The following NDUFAF2 variants were observed in gnomAD, a reference collection of about 807,000 sequenced individuals.
NDUFAF2 encodes NADH dehydrogenase [ubiquinone] 1 alpha subcomplex assembly factor 2.
A neutral mutation model predicts 22.8 loss-of-function variants in NDUFAF2; 13 were observed. The observed-to-expected ratio is 0.57, with a 90% CI of 0.37 to 0.91. The LOEUF is 0.91. NDUFAF2 is among the 40% of genes least tolerant of loss of function. The pLI is 0.01. For missense variants in NDUFAF2, 162 were observed against 195.2 expected (o/e 0.83, Z 1.01); for synonymous variants, 53 against 64.2 (o/e 0.83, Z 0.84).
intron 1 of NDUFAF2, among the ~76,000 whole-genome samples, chr5:60,975,427 G>A (rs891371787): frequency 3.3e-5 from 5 of 151,942 alleles, no homozygotes; most frequent in African/African-American, 7.2e-5. Context: ...ATTCAGTCTC[G>A]GGTTGTGTTT....
intron 1 of NDUFAF2, among the ~76,000 whole-genome samples, chr5:60,982,172 C>T (rs575304663): frequency 6.6e-6 from 1 of 152,196 alleles, no homozygotes; most frequent in African/African-American, 2.4e-5. Context: ...AAGGTACTCA[C>T]GATCACTGAT....
chr5:61,052,215 G>C (rs1180488872), intron 1 of NDUFAF2, among the ~76,000 whole-genome samples: 1 of 152,020 alleles, frequency 6.6e-6, no homozygotes, highest in Non-Finnish European at 1.5e-5. Context: ...ATTCCAAACA[G>C]TATGAGAGCT....
intron 1 of NDUFAF2, among the ~76,000 whole-genome samples, chr5:60,952,585 T>G (rs1446979546): frequency 6.6e-6 from 1 of 152,090 alleles, no homozygotes; most frequent in East Asian, 1.9e-4. Flanking sequence ...GTATTGTAAA[T>G]TGTTTTATGG....
At chr5:61,105,527 C>T (rs768087048) in intron 3 of NDUFAF2, among the ~76,000 whole-genome samples, 16 of 148,844 alleles carry the variant, frequency 1.1e-4, no homozygotes, top group Non-Finnish European at 2.1e-4. Context: ...ATGTTCATAC[C>T]TGTTAAACAT....
chr5:61,031,438 G>C (rs575315201), intron 1 of NDUFAF2, among the ~76,000 whole-genome samples: 1 of 152,052 alleles, frequency 6.6e-6, no homozygotes, highest in Non-Finnish European at 1.5e-5. Context: ...AGTTTGCTGA[G>C]AATGATGGTT....
chr5:61,107,729 A>C (rs1182624461), intron 3 of NDUFAF2, among the ~76,000 whole-genome samples: 1 of 150,496 alleles, frequency 6.6e-6, no homozygotes, highest in Admixed American at 6.6e-5. Context: ...GGTTAGTTAC[A>C]TATGTATACA....
intron 3 of NDUFAF2, chr5:61,115,218 AG>A (rs1752896779): frequency 6.6e-6 from 1 of 152,432 alleles, no homozygotes; most frequent in African/African-American, 2.4e-5. Context: ...GAGTACTGCC[AG>A]GCTACTGCTG....
intron 3 of NDUFAF2, among the ~76,000 whole-genome samples, chr5:61,129,390 C>G (rs1753079135): frequency 6.6e-6 from 1 of 152,102 alleles, no homozygotes; most frequent in South Asian, 2.1e-4. Context: ...TTGGAACCAA[C>G]CCAAATGTCC....
intron 1 of NDUFAF2, among the ~76,000 whole-genome samples, chr5:60,983,826 A>G (rs1272123647): frequency 6.6e-5 from 10 of 152,074 alleles, no homozygotes; most frequent in African/African-American, 2.4e-4. Flanking sequence ...GTTTGAAGTC[A>G]GGTAGCATGA....
chr5:61,050,669 C>A (rs1255694966), intron 1 of NDUFAF2: 4 of 152,112 alleles, frequency 2.6e-5, no homozygotes, highest in Non-Finnish European at 5.9e-5. Flanking sequence ...TTCAGTTTTC[C>A]TTTCATTACC....
intron 1 of NDUFAF2, among the ~76,000 whole-genome samples, chr5:61,020,731 C>CTATTTTCAACATT (rs1241891170): frequency 6.6e-6 from 1 of 152,014 alleles, no homozygotes; most frequent in African/African-American, 2.4e-5. Flanking sequence ...AACTCTGTCG[C>CTATTTTCAACATT]CCAAGCTGGA....
intron 1 of NDUFAF2, among the ~76,000 whole-genome samples, chr5:60,989,197 A>C (rs1751123395): frequency 6.6e-6 from 1 of 152,244 alleles, no homozygotes. Flanking sequence ...AATGCAAATC[A>C]GAACCACAGC....
chr5:61,014,945 G>A (rs1209905509), intron 1 of NDUFAF2, among the ~76,000 whole-genome samples: 1 of 152,164 alleles, frequency 6.6e-6, no homozygotes, highest in Non-Finnish European at 1.5e-5. Flanking sequence ...ATAGGGAGAA[G>A]AGAATATCTT....
chr5:60,989,353 A>G (rs1167251659), intron 1 of NDUFAF2, among the ~76,000 whole-genome samples: 6 of 152,174 alleles, frequency 3.9e-5, no homozygotes, highest in African/African-American at 1.4e-4. Context: ...CAGTGTGGCA[A>G]TTCCTCAAAG....
intron 3 of NDUFAF2, among the ~76,000 whole-genome samples, chr5:61,102,289 C>G (rs1390263822): frequency 1.3e-5 from 2 of 152,044 alleles, no homozygotes; most frequent in Non-Finnish European, 2.9e-5. Context: ...TACTTTAAAA[C>G]TATAGTTATC....
At chr5:61,024,208 G>C (rs1751622755) in intron 1 of NDUFAF2, among the ~76,000 whole-genome samples, 1 of 151,866 alleles carries the variant, frequency 6.6e-6, no homozygotes, top group African/African-American at 2.4e-5. Context: ...CTATTTTAAG[G>C]ATATTGGTTG....
chr5:60,991,128 TAA>T (rs1751152588), intron 1 of NDUFAF2, among the ~76,000 whole-genome samples: 1 of 152,204 alleles, frequency 6.6e-6, no homozygotes, highest in African/African-American at 2.4e-5. Context: ...GATGCATTTA[TAA>T]AGTTTCACCT....
At chr5:61,083,281 C>T (rs552916291) in intron 2 of NDUFAF2, 64 of 151,448 alleles carry the variant, frequency 4.2e-4, no homozygotes, top group African/African-American at 1.5e-3. Flanking sequence ...TGATGTCTTA[C>T]ATTTAAGTCT....
At chr5:61,122,100 G>A (rs1752983198) in intron 3 of NDUFAF2, among the ~76,000 whole-genome samples, 1 of 152,054 alleles carries the variant, frequency 6.6e-6, no homozygotes, top group Non-Finnish European at 1.5e-5. Context: ...CAAAGTGTTG[G>A]GATTACAGGC....
Sources: allele counts gnomAD v4.1 joint callset (sites outside exome capture counted in the v4.1 genomes callset), GRCh38; gene constraint gnomAD v4.1.1; transcripts MANE v1.5; gene names NCBI Gene and HGNC (gene_info 2026-07-23, HGNC 2026-07-21).